TGFBI: variants seen among roughly 807,000 people sequenced by gnomAD.
TGFBI encodes transforming growth factor beta induced.
TGFBI carries 50 observed loss-of-function variants against 73.7 expected under a neutral mutation model. That is an observed-to-expected ratio of 0.68 (90% confidence interval 0.54 to 0.86). The LOEUF is 0.86. Ranked by LOEUF, TGFBI falls within the 40% of genes least tolerant of loss-of-function variation. The pLI is 0.00. For missense variants in TGFBI, 839 were observed against 877.0 expected (o/e 0.96, Z 0.55); for synonymous variants, 362 against 360.5 (o/e 1.00, Z -0.05).
chr5:136,041,192 A>T (rs1284903089), intron 2 of TGFBI, among the ~76,000 whole-genome samples: 2 of 152,226 alleles, frequency 1.3e-5, no homozygotes, highest in South Asian at 4.1e-4. Context: ...CTAGAGAGTG[A>T]CAGAGATGCC....
chr5:136,058,987 C>A, intron 12 of TGFBI, 103 bp from the exon 13 acceptor site: 1 of 1,433,978 alleles, frequency 7.0e-7, no homozygotes, highest in Non-Finnish European at 9.4e-7. Flanking sequence ...GGGAGTTCTT[C>A]ATTTCAGGGG....
Position 136,059,218 on chromosome 5 carries a change from A to C in TGFBI, c.1803+4A>C. ...TGACAAGCTGGAAGTCAGCTTGGTA[A>C]GTGTCCTGCAAATCAAAGGCTGGCT... is the stretch of plus-strand genomic sequence containing the variant. On this transcript the variant is annotated splice_donor_region_variant and intron_variant, in intron 13 of 16. Coordinates refer to ENST00000442011, the MANE Select transcript of TGFBI (RefSeq NM_000358.3). The C allele has an allele frequency of 6.2e-7, 1 of 1,608,826 alleles. No homozygotes were observed. The highest frequency in any genetic ancestry group is 8.5e-7 in the Non-Finnish European group (1 of 1,178,434).
In TGFBI at chr5:136,060,935, A is replaced by G. The variant is rs1462795518; in HGVS notation, c.1905A>G (p.Pro635=). The change falls in exon 14 of 17, where the codon CCA becomes CCG. Residue 635 remains proline, a splice_region_variant and synonymous_variant. Transcript: ENST00000442011. The part of the protein sequence containing the change: ...VHVITNVLQP[P]ANRPQERGDE... Reference sequence around the variant, plus strand: ...TCATCACCAATGTTCTGCAGCCTCCAGGTAAGTGTCGCATCCCCACTGACT... The same window carrying G: ...TCATCACCAATGTTCTGCAGCCTCCGGGTAAGTGTCGCATCCCCACTGACT... 1 of 1,563,670 alleles carries G rather than the reference A, an allele frequency of 6.4e-7. No homozygotes were observed. The highest frequency in any genetic ancestry group is 2.3e-5 in the East Asian group (1 of 43,944).
At chr5:136,029,334 C>A in intron 1 of TGFBI, 145 bp downstream of exon 1, 2 of 958,852 alleles carry the variant, frequency 2.1e-6, no homozygotes, top group Non-Finnish European at 2.9e-6. Flanking sequence ...GCTCGGACAC[C>A]AGCCCTGCAC....
At chr5:136,061,981 T>G (rs1230385433) in intron 15 of TGFBI, among the ~76,000 whole-genome samples, 1 of 152,234 alleles carries the variant, frequency 6.6e-6, no homozygotes, top group Non-Finnish European at 1.5e-5. Flanking sequence ...TTGCCCATCC[T>G]GGGTGAGGCT....
At chr5:136,055,629 C>T (rs1287112826) in intron 10 of TGFBI, 51 bp from the exon 11 acceptor site, 2 of 1,492,618 alleles carry the variant, frequency 1.3e-6, no homozygotes, top group African/African-American at 1.4e-5. Flanking sequence ...TCAGGAGGCC[C>T]CTCGTGGAAG....
At position 136,053,265 on chromosome 5, in the gene TGFBI, G is replaced by A. The variant is rs1449333006; in HGVS notation, c.1126+146G>A. ...ACAGCTTCTCGGCCACTGCAAATGT[G>A]TGGGTTGTGACCAGACTGATGTGTC... is the stretch of plus-strand genomic sequence containing the variant. On this transcript the variant is annotated intron_variant, in intron 8 of 16. Transcript: ENST00000442011. The A allele has an allele frequency of 1.6e-5, 12 of 742,684 alleles. No individual in the cohort carries two copies. The African/African-American group carries it at 1.9e-4, about 12-fold the overall frequency. 46.0% of individuals were successfully genotyped at this position (742,684 alleles called of 1,614,324 possible). A position where few individuals can be genotyped will look rare whatever the true frequency, so the allele number is the denominator to read the frequency against.
At chr5:136,061,728 C>T (rs970459268) in intron 15 of TGFBI, 149 bp downstream of exon 15, 41 of 710,282 alleles carry the variant, frequency 5.8e-5, no homozygotes, top group African/African-American at 5.8e-4. Flanking sequence ...GCATCCTCAG[C>T]CCCAGCCTGT....
chr5:136,045,218 G>A (rs1200970549), intron 3 of TGFBI, among the ~76,000 whole-genome samples: 6 of 152,062 alleles, frequency 3.9e-5, no homozygotes, highest in Admixed American at 2.0e-4. Context: ...CCAGCAGCCC[G>A]TGCAACATAG....
intron 3 of TGFBI, 58 bp downstream of exon 3, chr5:136,044,180 G>A (rs1297640260): frequency 1.5e-5 from 21 of 1,443,338 alleles, no homozygotes; most frequent in Middle Eastern, 1.9e-4. Context: ...TGGTGGGAGA[G>A]AGGAGTACCC....
chr5:136,054,539 C>A, intron 9 of TGFBI, 177 bp from the exon 10 acceptor site: 1 of 938,780 alleles, frequency 1.1e-6, no homozygotes, highest in Non-Finnish European at 1.7e-6. Flanking sequence ...TCTGGATCTT[C>A]TTTAATTCTC....
intron 14 of TGFBI, 48 bp from the exon 15 acceptor site, chr5:136,061,452 T>C (rs1202193445): frequency 2.2e-5 from 31 of 1,391,786 alleles, no homozygotes; most frequent in Non-Finnish European, 3.1e-5. Flanking sequence ...ATGAATGACA[T>C]GCTAATGGTT....
In TGFBI at chr5:136,049,469, A is replaced by G. The variant is rs1423982377; in HGVS notation, c.802A>G (p.Met268Val). The stretch of plus-strand genomic sequence containing the variant: ...TGTGGCTGCATCAGGGCTCAACACG[A>G]TGCTTGAAGGTAACGGCCAGTACAC... ...AAVAASGLNT[M>V]LEGNGQYTLL... The change falls in exon 7 of 17, where the codon ATG (methionine) becomes GTG (valine). Residue 268 changes from methionine to valine, a missense_variant. Physicochemically the swap from Met to Val is conservative, Grantham distance 21. Transcript: ENST00000442011. 6.2e-7 allele frequency: 1 copy of G among 1,613,964 alleles called. No homozygotes were observed. Among genetic ancestry groups the G allele is most frequent in the Non-Finnish European group, 8.5e-7 (1 of 1,179,872 alleles).
Position 136,053,031 on chromosome 5 carries a change from C to A in TGFBI, c.1038C>A (p.Ile346=). 1 of 1,614,068 alleles carries A rather than the reference C, an allele frequency of 6.2e-7. No individual in the cohort carries two copies. The highest frequency in any genetic ancestry group is 8.5e-7 in the Non-Finnish European group (1 of 1,179,900). ...EVGCSGDMLT[I]NGKAIISNKD... is the part of the protein sequence containing the mutation. ...GCTGCAGCGGGGACATGCTCACTAT[C>A]AACGGGAAGGCGATCATCTCCAATA... The change falls in exon 8 of 17, where the codon ATC becomes ATA. Residue 346 remains isoleucine, a synonymous_variant. Transcript: ENST00000442011.
intron 13 of TGFBI, among the ~76,000 whole-genome samples, chr5:136,060,536 C>T (rs1751729213): frequency 6.6e-6 from 1 of 152,130 alleles, no homozygotes; most frequent in Admixed American, 6.5e-5. Context: ...CGTGGTGAAA[C>T]CACATCTCTA....
At chr5:136,048,999 C>T (rs555691909) in intron 6 of TGFBI, 180 of 161,762 alleles carry the variant, frequency 1.1e-3, no homozygotes, top group Non-Finnish European at 2.0e-3. Context: ...CAGTAACTGT[C>T]GAGTGACAGT....
chr5:136,030,142 G>A (rs1222357854), intron 1 of TGFBI, among the ~76,000 whole-genome samples: 1 of 152,178 alleles, frequency 6.6e-6, no homozygotes, highest in Non-Finnish European at 1.5e-5. Context: ...TCATAACTAG[G>A]TAAAACTATA....
At position 136,055,677 on chromosome 5, in the gene TGFBI, C is replaced by T. The variant is rs11242308; in HGVS notation, c.1411-3C>T. 9,489 of 1,596,446 alleles carry T rather than the reference C, an allele frequency of 5.9e-3. 257 individuals carry two copies. The East Asian group carries it at 0.069, about 12-fold the overall frequency. On this transcript the variant is annotated splice_region_variant and splice_polypyrimidine_tract_variant and intron_variant, in intron 10 of 16. Coordinates refer to ENST00000442011, the MANE Select transcript of TGFBI (RefSeq NM_000358.3). ...TTTCTTTCTCTGTCCCTCTTCTGTG[C>T]AGAGCCTCTGCATTGAGAACAGCTG...
chr5:136,048,962 C>A, intron 6 of TGFBI: 1 of 153,534 alleles, frequency 6.5e-6, no homozygotes, highest in Non-Finnish European at 1.5e-5. Flanking sequence ...GTGATCCTTC[C>A]ATGCATGGGC....
Sources: allele counts gnomAD v4.1 joint callset (sites outside exome capture counted in the v4.1 genomes callset), GRCh38; gene constraint gnomAD v4.1.1; transcripts MANE v1.5; gene names NCBI Gene and HGNC (gene_info 2026-07-23, HGNC 2026-07-21).